Variants in MCTP1 observed in about 807,000 individuals in gnomAD.
MCTP1 encodes multiple C2 and transmembrane domain-containing protein 1.
MCTP1 carries 69 observed loss-of-function variants against 120.6 expected under a neutral mutation model. The observed-to-expected ratio is 0.57, with a 90% CI of 0.47 to 0.70. The LOEUF is 0.70. MCTP1 is among the 30% of genes least tolerant of loss of function. The probability of loss-of-function intolerance (pLI) is 0.00; values close to 1 mark genes in which losing one functional copy is unlikely to be tolerated. For synonymous variants in MCTP1, 529 were observed against 493.1 expected, an observed-to-expected ratio of 1.07 and a Z score of -0.96; for missense variants, 1,203 against 1,248.8, an observed-to-expected ratio of 0.96 and a Z score of 0.55.
At position 94,704,013 on chromosome 5, in the gene MCTP1, GTT is replaced by G. The variant is rs1754008476; in HGVS notation, c.*3481_*3482del. The G allele has an allele frequency of 1.2e-5, 1 of 81,834 alleles. No individual in the cohort carries two copies. The highest frequency in any genetic ancestry group is 2.9e-5 in the Non-Finnish European group (1 of 34,240). The allele number at this position is 81,834 out of a possible 1,614,324, so 5.1% of individuals were successfully genotyped here. The stretch of plus-strand genomic sequence containing the variant: ...AAAAAAAAAGAAAAAAAAATGTTTT[GTT>G]TTCTTTCAGTGAGTTACACCAATCA... On this transcript the variant is annotated 3_prime_UTR_variant, in exon 23 of 23. Coordinates refer to ENST00000515393, the MANE Select transcript of MCTP1 (RefSeq NM_024717.7).
chr5:95,016,764 A>G (rs1259057972), intron 2 of MCTP1, among the ~76,000 whole-genome samples: 1 of 152,034 alleles, frequency 6.6e-6, no homozygotes, highest in Non-Finnish European at 1.5e-5. Flanking sequence ...GGTTCAAGAA[A>G]TCCCTCATGT....
intron 1 of MCTP1, among the ~76,000 whole-genome samples, chr5:95,110,807 A>G (rs1757396718): frequency 6.6e-6 from 1 of 152,184 alleles, no homozygotes; most frequent in African/African-American, 2.4e-5. Flanking sequence ...AAGCATGTTA[A>G]AGGACTTTTG....
chr5:94,865,513 C>T (rs940608610), intron 17 of MCTP1, among the ~76,000 whole-genome samples: 6 of 151,756 alleles, frequency 4.0e-5, no homozygotes, highest in Non-Finnish European at 8.8e-5. Context: ...GATCCATCAA[C>T]AGGGCATGAT....
intron 17 of MCTP1, among the ~76,000 whole-genome samples, chr5:94,845,539 TTG>T (rs1416352448): frequency 7.6e-4 from 115 of 152,154 alleles, no homozygotes; most frequent in Non-Finnish European, 1.4e-3. Flanking sequence ...ACATTTTTTT[TTG>T]TTTTTTTGTT....
intron 1 of MCTP1, among the ~76,000 whole-genome samples, chr5:95,109,558 A>G (rs1757313574): frequency 6.6e-6 from 1 of 152,258 alleles, no homozygotes; most frequent in East Asian, 1.9e-4. Flanking sequence ...TGAAAAAAAA[A>G]ATTTCGTACC....
intron 1 of MCTP1, among the ~76,000 whole-genome samples, chr5:95,094,909 T>C (rs1029806701): frequency 1.3e-5 from 2 of 151,782 alleles, no homozygotes; most frequent in African/African-American, 2.4e-5. Flanking sequence ...AAATGCCTCC[T>C]ATAATAAATT....
In MCTP1 at chr5:94,706,858, A is replaced by AACTT. The variant is rs1345140231; in HGVS notation, c.*634_*637dup. On this transcript the variant is annotated 3_prime_UTR_variant, in exon 23 of 23. Transcript: ENST00000515393. ...TGATTGATTGAAATTCTATAAAGAA[A>AACTT]ACTTTGTAACCTTCTGAGTATTGAT... 1.3e-5 allele frequency: 2 copies of AACTT among 151,882 alleles called. No individual in the cohort carries two copies. The highest frequency in any genetic ancestry group is 1.3e-4 in the Admixed American group (2 of 15,206). The allele number at this position is 151,882 out of a possible 1,614,324, so 9.4% of individuals were successfully genotyped here. A position where few individuals can be genotyped will look rare whatever the true frequency, so the allele number is the denominator to read the frequency against.
intron 1 of MCTP1, among the ~76,000 whole-genome samples, chr5:95,094,169 G>A (rs548305884): frequency 5.9e-5 from 9 of 152,318 alleles, no homozygotes; most frequent in East Asian, 3.9e-4. Context: ...TGGATAATAC[G>A]TTATGCAGCA....
chr5:95,161,954 T>C (rs116928693), intron 1 of MCTP1, among the ~76,000 whole-genome samples: 3 of 151,980 alleles, frequency 2.0e-5, no homozygotes, highest in Non-Finnish European at 2.9e-5. Flanking sequence ...TCTGATCAAG[T>C]GGGGAGATGT....
chr5:95,079,818 TTTAA>T (rs1412220028), intron 1 of MCTP1, among the ~76,000 whole-genome samples: 1 of 152,030 alleles, frequency 6.6e-6, no homozygotes. Flanking sequence ...CAAGAAAACT[TTTAA>T]TTAATTGTCT....
At chr5:94,953,129 ACT>A in intron 3 of MCTP1, 88 bp downstream of exon 3, 1 of 1,178,820 alleles carries the variant, frequency 8.5e-7, no homozygotes, top group East Asian at 2.6e-5. Flanking sequence ...TCTGGTGAAA[ACT>A]CTCATCAGAC....
At chr5:94,839,168 A>G (rs1345717553) in intron 17 of MCTP1, among the ~76,000 whole-genome samples, 1 of 152,216 alleles carries the variant, frequency 6.6e-6, no homozygotes, top group East Asian at 1.9e-4. Flanking sequence ...CAGTAAGCTC[A>G]CAGAGAAGTA....
intron 1 of MCTP1, among the ~76,000 whole-genome samples, chr5:95,268,335 C>T (rs1016715761): frequency 5.3e-5 from 8 of 152,162 alleles, no homozygotes; most frequent in African/African-American, 1.9e-4. Flanking sequence ...GGAAGGAGAT[C>T]TTCCAGCTAC....
chr5:95,138,057 T>C (rs1304256839), intron 1 of MCTP1, among the ~76,000 whole-genome samples: 2 of 152,128 alleles, frequency 1.3e-5, no homozygotes, highest in East Asian at 1.9e-4. Context: ...TACTTCAAAT[T>C]TTTTTTTCAA....
chr5:95,234,543 A>G (rs1755325225), intron 1 of MCTP1, among the ~76,000 whole-genome samples: 1 of 152,214 alleles, frequency 6.6e-6, no homozygotes, highest in Non-Finnish European at 1.5e-5. Context: ...GACTGAGGAA[A>G]CGAGAACCAA....
chr5:95,170,057 A>C (rs1220212580), intron 1 of MCTP1, among the ~76,000 whole-genome samples: 50 of 152,254 alleles, frequency 3.3e-4, no homozygotes, highest in Non-Finnish European at 4.4e-5. Context: ...TAGTGCTATA[A>C]ATTTCCCTCT....
chr5:95,122,029 C>G (rs1758284621), intron 1 of MCTP1, among the ~76,000 whole-genome samples: 1 of 151,398 alleles, frequency 6.6e-6, no homozygotes. Flanking sequence ...TCTAAGACCT[C>G]AAACTATGAA....
intron 2 of MCTP1, among the ~76,000 whole-genome samples, chr5:94,957,439 G>T (rs148200060): frequency 6.6e-6 from 1 of 152,066 alleles, no homozygotes; most frequent in African/African-American, 2.4e-5. Context: ...ATGTAAATGG[G>T]CTAAATGCCC....
At chr5:94,727,675 T>C (rs939579525) in intron 19 of MCTP1, among the ~76,000 whole-genome samples, 3 of 152,162 alleles carry the variant, frequency 2.0e-5, no homozygotes, top group African/African-American at 7.2e-5. Context: ...ATAAAAGCAA[T>C]GTCAAAGTCA....
Sources: allele counts gnomAD v4.1 joint callset (sites outside exome capture counted in the v4.1 genomes callset), GRCh38; gene constraint gnomAD v4.1.1; transcripts MANE v1.5; gene names NCBI Gene and HGNC (gene_info 2026-07-23, HGNC 2026-07-21).